The following RP1 variants were observed in gnomAD, a reference collection of about 807,000 sequenced individuals.
RP1 encodes oxygen-regulated protein 1.
RP1 carries 16 observed loss-of-function variants against 14.8 expected under a neutral mutation model. The observed-to-expected ratio is 1.08, with a 90% CI of 0.73 to 1.65. The LOEUF is 1.65. Among genes scored for constraint, RP1 ranks in the 40% most tolerant of loss-of-function variants. The pLI is 0.00. For missense variants in RP1, 2,631 were observed against 2,535.0 expected (o/e 1.04, Z -0.81); for synonymous variants, 876 against 883.6 (o/e 0.99, Z 0.15).
chr8:54,634,135 C>T (rs1305248068), downstream of RP1, among the ~76,000 whole-genome samples: 1 of 152,112 alleles, frequency 6.6e-6, no homozygotes, highest in East Asian at 1.9e-4. Flanking sequence ...AAAGTACTTA[C>T]CATTTTTCCT....
chr8:54,665,448 A>G (rs536603240), intron 7 of RP1, among the ~76,000 whole-genome samples: 13 of 152,188 alleles, frequency 8.5e-5, no homozygotes, highest in Non-Finnish European at 1.9e-4. Flanking sequence ...AAGTCCTGTC[A>G]GTGCCCCAGA....
chr8:54,787,966 A>C (rs918149368), intron 24 of RP1, among the ~76,000 whole-genome samples: 6 of 152,230 alleles, frequency 3.9e-5, no homozygotes, highest in Admixed American at 1.3e-4. Context: ...ACAATACTTT[A>C]TAATATAACT....
At chr8:54,686,784 A>C (rs1042846780) in intron 12 of RP1, among the ~76,000 whole-genome samples, 1 of 152,158 alleles carries the variant, frequency 6.6e-6, no homozygotes, top group African/African-American at 2.4e-5. Context: ...ATCCCTTGAC[A>C]TTTCAAAATA....
intron 16 of RP1, among the ~76,000 whole-genome samples, chr8:54,723,191 T>C (rs1808574247): frequency 6.6e-6 from 1 of 152,212 alleles, no homozygotes; most frequent in Non-Finnish European, 1.5e-5. Context: ...ATTACGTGAA[T>C]TAACATATGT....
At chr8:54,680,046 A>C in intron 12 of RP1, 1 of 1,366,530 alleles carries the variant, frequency 7.3e-7, no homozygotes, top group Non-Finnish European at 9.6e-7. Context: ...ATGGCTTTAC[A>C]CAAGTGTTAG....
At chr8:54,648,767 T>C (rs1367308988) in intron 3 of RP1, among the ~76,000 whole-genome samples, 1 of 152,188 alleles carries the variant, frequency 6.6e-6, no homozygotes, top group African/African-American at 2.4e-5. Flanking sequence ...ACTAAAGATC[T>C]TTTTGGAAAT....
chr8:54,626,356 T>A lies in RP1; in HGVS notation c.2474T>A (p.Ile825Asn), dbSNP rs748368392. Residue 825 changes from isoleucine to asparagine, a missense_variant, in exon 4 of 4, where the codon ATC (isoleucine) becomes AAC (asparagine). Physicochemically the swap from Ile to Asn is moderately radical, Grantham distance 149. Transcript: ENST00000220676. ...AAAAGTTTATTTCATGTATTTAACATCCTTGAGCAAAAACCCAAAGATTTT... is the reference window on the plus strand; with the variant it reads ...AAAAGTTTATTTCATGTATTTAACAACCTTGAGCAAAAACCCAAAGATTTT... ...ENKSLFHVFN[I>N]LEQKPKDFYA... 2.1e-5 allele frequency: 34 copies of A among 1,613,466 alleles called. No individual in the cohort carries two copies. The highest frequency in any genetic ancestry group is 2.7e-5 in the Non-Finnish European group (32 of 1,179,868).
At chr8:54,852,995 C>T (rs577070837) in intron 26 of RP1, among the ~76,000 whole-genome samples, 23 of 152,286 alleles carry the variant, frequency 1.5e-4, no homozygotes, top group African/African-American at 5.5e-4. Flanking sequence ...CAACTAGAAA[C>T]ATTTGATAAA....
rs138125013 is a variant in RP1 at position 54,823,309 on chromosome 8, T to C, written c.3616-14141T>C. Among the ~76,000 whole-genome samples the C allele has an allele frequency of 1.1e-4, 17 of 152,298 alleles. No individual in the cohort carries two copies. The East Asian group carries it at 3.1e-3, about 28-fold the overall frequency. On this transcript the variant is annotated intron_variant, in intron 24 of 28. Coordinates refer to the RP1 transcript ENST00000637698. Reference sequence around the variant, plus strand: ...TTGGAATCATGTAGCATGTGACCTTTTGAGACTGGCAGTCTTGTTTTCTTC... The same window carrying C: ...TTGGAATCATGTAGCATGTGACCTTCTGAGACTGGCAGTCTTGTTTTCTTC...
chr8:54,696,315 T>C (rs1457300209), intron 12 of RP1: 3 of 442,698 alleles, frequency 6.8e-6, no homozygotes, highest in Non-Finnish European at 1.2e-5. Flanking sequence ...TTTTAGTTAA[T>C]ACAAAATGGG....
intron 12 of RP1, among the ~76,000 whole-genome samples, chr8:54,680,856 G>T (rs1807409803): frequency 6.6e-6 from 1 of 151,886 alleles, no homozygotes; most frequent in Non-Finnish European, 1.5e-5. Flanking sequence ...TACTGTAGAG[G>T]CTGAGGCAGG....
intron 1 of RP1, among the ~76,000 whole-genome samples, chr8:54,605,497 G>GA: frequency 6.6e-6 from 1 of 152,190 alleles, no homozygotes; most frequent in Non-Finnish European, 1.5e-5. Context: ...GTGTGGTGCT[G>GA]AAAAGAATGT....
intron 24 of RP1, among the ~76,000 whole-genome samples, chr8:54,804,667 A>G (rs1319138254): frequency 6.6e-6 from 1 of 152,240 alleles, no homozygotes; most frequent in African/African-American, 2.4e-5. Flanking sequence ...GATAAAAGAT[A>G]CTTCGTAATG....
At chr8:54,714,033 C>T (rs1159867754) in intron 15 of RP1, among the ~76,000 whole-genome samples, 4 of 152,184 alleles carry the variant, frequency 2.6e-5, no homozygotes, top group Non-Finnish European at 5.9e-5. Context: ...TCAGGTGATT[C>T]TCCTGCCTCA....
intron 7 of RP1, among the ~76,000 whole-genome samples, chr8:54,669,566 A>T (rs547604364): frequency 1.6e-3 from 248 of 152,344 alleles, no homozygotes; most frequent in African/African-American, 5.7e-3. Flanking sequence ...TGCTATAAAG[A>T]CACGTGCACA....
At chr8:54,614,646 G>A (rs1317421774), upstream of RP1, among the ~76,000 whole-genome samples, 1 of 152,202 alleles carries the variant, frequency 6.6e-6, no homozygotes, top group East Asian at 1.9e-4. Context: ...TGGAGTTGTG[G>A]GAGTGGAACG....
downstream of RP1, among the ~76,000 whole-genome samples, chr8:54,632,033 G>C (rs1806255044): frequency 6.6e-6 from 1 of 151,884 alleles, no homozygotes. Flanking sequence ...GTAGAGACGG[G>C]GTTTCTCCAT....
intron 1 of RP1, among the ~76,000 whole-genome samples, chr8:54,564,288 G>A (rs1338434900): frequency 1.3e-5 from 2 of 152,168 alleles, no homozygotes; most frequent in South Asian, 2.1e-4. Context: ...CCTACCGGGT[G>A]CAGGTACTGA....
At position 54,673,850 on chromosome 8, in the gene RP1, A is replaced by G. The variant is rs546965299; in HGVS notation, c.1324A>G (p.Thr442Ala). Residue 442 changes from threonine to alanine, a missense_variant and splice_region_variant, in exon 8 of 23, where the codon ACT becomes GCT. Physicochemically the swap from Thr to Ala is moderately conservative, Grantham distance 58. Transcript: ENST00000636932. ...AATTATACTTTTTGATTCGTTATAG[A>G]CTGACACCTTTTTCCTGGAGGCTGT... The G allele has an allele frequency of 4.6e-5, 70 of 1,535,476 alleles. No homozygotes were observed. In the South Asian group the frequency reaches 6.7e-4, roughly 15 times the overall value.
Sources: gnomAD v4.1 joint callset for allele counts (sites outside exome capture counted in the v4.1 genomes callset) on GRCh38, gnomAD v4.1.1 for gene constraint, MANE v1.5 for transcripts, NCBI Gene and HGNC (gene_info 2026-07-23, HGNC 2026-07-21) for gene names.